The following MMP16 variants were observed in gnomAD, a reference collection of about 807,000 sequenced individuals.
MMP16 encodes the protein matrix metallopeptidase 16.
A neutral mutation model predicts 67.8 loss-of-function variants in MMP16; 12 were observed. The observed-to-expected ratio is 0.18, with a 90% CI of 0.11 to 0.29. The LOEUF is 0.29. Among genes scored for constraint, MMP16 ranks in the 10% least tolerant of loss-of-function variants. MMP16 has a pLI of 1.00. For missense variants in MMP16, 475 were observed against 765.7 expected (o/e 0.62, Z 4.48); for synonymous variants, 249 against 255.9 (o/e 0.97, Z 0.26).
At chr8:88,140,709 A>G (rs1486444361) in intron 4 of MMP16, among the ~76,000 whole-genome samples, 2 of 152,122 alleles carry the variant, frequency 1.3e-5, no homozygotes, top group Non-Finnish European at 2.9e-5. Context: ...AGTCTTAATA[A>G]CCTTATTAAG....
rs1808132709 is a variant in MMP16 at position 88,041,514 on chromosome 8, C to G, written c.1771G>C (p.Gly591Arg). ...VYTVFQFKRK[G>R]TPRHILYCKR... is the part of the protein sequence containing the mutation. ...CAGTACAGTATGTGGCGGGGTGTTC[C>G]TTTCCTCTTGAACTGGAACACAGTG... is the stretch of plus-strand genomic sequence containing the variant. Residue 591 changes from glycine to arginine, a missense_variant, in exon 10 of 10, where the codon GGA (glycine) becomes CGA (arginine). Gly to Arg is a moderately radical substitution (Grantham distance 125). This residue lies in a region of MMP16 where 80 missense variants were observed against 93.4 expected (regional missense o/e 0.86). Coordinates refer to ENST00000286614, the MANE Select transcript of MMP16 (RefSeq NM_005941.5). The surrounding 1 kb of genome is among the most constrained non-coding windows in gnomAD (Gnocchi z 6.0). 6.2e-7 allele frequency: 1 copy of G among 1,613,570 alleles called. No homozygotes were observed. Among genetic ancestry groups the G allele is most frequent in the African/African-American group, 1.3e-5 (1 of 74,940 alleles).
chr8:88,148,920 G>C (rs563933668), intron 4 of MMP16, among the ~76,000 whole-genome samples: 7 of 152,170 alleles, frequency 4.6e-5, no homozygotes, highest in Non-Finnish European at 8.8e-5. Context: ...CGCAGAAGAC[G>C]GGTGATTTCT....
intron 1 of MMP16, among the ~76,000 whole-genome samples, chr8:88,232,308 T>C (rs192943027): frequency 1.3e-5 from 2 of 152,224 alleles, no homozygotes; most frequent in African/African-American, 4.8e-5. Flanking sequence ...ATTTTACAGG[T>C]GGGAAAACTG....
At chr8:88,125,115 C>T (rs1807905019) in intron 4 of MMP16, among the ~76,000 whole-genome samples, 1 of 151,592 alleles carries the variant, frequency 6.6e-6, no homozygotes, top group South Asian at 2.1e-4. Context: ...ATTCCTCAGT[C>T]CAATTTGGCT....
intron 6 of MMP16, among the ~76,000 whole-genome samples, chr8:88,095,440 G>A (rs912963261): frequency 1.3e-5 from 2 of 151,684 alleles, no homozygotes; most frequent in African/African-American, 2.4e-5. Flanking sequence ...TTCCCCATCC[G>A]TACCATGGGG....
chr8:88,159,516 T>C (rs535632071), intron 4 of MMP16, among the ~76,000 whole-genome samples: 10 of 152,302 alleles, frequency 6.6e-5, no homozygotes, highest in Admixed American at 3.3e-4. Flanking sequence ...TGATTTTGTA[T>C]CCTGAGGCTT....
intron 1 of MMP16, among the ~76,000 whole-genome samples, chr8:88,219,193 C>T (rs1809640102): frequency 6.6e-6 from 1 of 151,926 alleles, no homozygotes; most frequent in South Asian, 2.1e-4. Context: ...AAATTAGCGA[C>T]AGAATAGCCA....
intron 1 of MMP16, among the ~76,000 whole-genome samples, chr8:88,254,808 G>C (rs1810276968): frequency 6.6e-6 from 1 of 152,012 alleles, no homozygotes; most frequent in South Asian, 2.1e-4. Context: ...AAGGACATGA[G>C]ATAAAAACTA....
chr8:88,096,502 A>C (rs1286782374), intron 6 of MMP16, among the ~76,000 whole-genome samples: 1 of 145,390 alleles, frequency 6.9e-6, no homozygotes, highest in East Asian at 2.0e-4. Flanking sequence ...AAATTCTTCA[A>C]AGGATCACTG....
intron 3 of MMP16, among the ~76,000 whole-genome samples, chr8:88,179,226 T>A (rs1356892904): frequency 2.0e-5 from 3 of 151,998 alleles, no homozygotes; most frequent in African/African-American, 7.2e-5. Flanking sequence ...AAATACCTTA[T>A]CTGTAGATGA....
intron 1 of MMP16, among the ~76,000 whole-genome samples, chr8:88,280,401 AC>A (rs1177991544): frequency 6.6e-6 from 1 of 152,278 alleles, no homozygotes; most frequent in Admixed American, 6.5e-5. Flanking sequence ...AGAGAACTCA[AC>A]CCATGCTACT....
At chr8:88,122,840 G>C (rs969022208) in intron 4 of MMP16, among the ~76,000 whole-genome samples, 2 of 151,272 alleles carry the variant, frequency 1.3e-5, no homozygotes, top group African/African-American at 4.9e-5. Flanking sequence ...GATGGTATTT[G>C]ACTTCTAAGG....
chr8:88,136,981 T>A (rs570854263), intron 4 of MMP16, among the ~76,000 whole-genome samples: 1 of 151,760 alleles, frequency 6.6e-6, no homozygotes, highest in East Asian at 1.9e-4. Context: ...TATATACATA[T>A]TTTTTTTCTC....
chr8:88,262,250 C>G (rs530037629), intron 1 of MMP16, among the ~76,000 whole-genome samples: 2 of 152,180 alleles, frequency 1.3e-5, no homozygotes, highest in Non-Finnish European at 2.9e-5. Flanking sequence ...TTTTATCAAA[C>G]GTGGCATAGT....
chr8:88,309,448 A>G (rs996201104), intron 1 of MMP16, among the ~76,000 whole-genome samples: 16 of 151,090 alleles, frequency 1.1e-4, no homozygotes, highest in Non-Finnish European at 1.9e-4. Context: ...GGTAGGAGGG[A>G]GGGGGGGAAC....
At chr8:88,168,812 G>A (rs1467192858) in intron 3 of MMP16, among the ~76,000 whole-genome samples, 1 of 151,860 alleles carries the variant, frequency 6.6e-6, no homozygotes, top group East Asian at 1.9e-4. Context: ...TCATAAATAA[G>A]TTTCAGATCC....
chr8:88,034,731 T>C lies in MMP16; in HGVS notation c.*6730A>G, dbSNP rs1056842245. 3 of 152,032 alleles carry C rather than the reference T, an allele frequency of 2.0e-5. No homozygotes were observed. Among genetic ancestry groups the C allele is most frequent in the Non-Finnish European group, 4.4e-5 (3 of 67,962 alleles). 9.4% of individuals were successfully genotyped at this position (152,032 alleles called of 1,614,324 possible). ...AATATATAGAGGAAACAGGTTCAAA[T>C]TGGCATTATGTAACGGCAAATGAAA... On this transcript the variant is annotated 3_prime_UTR_variant, in exon 10 of 10. Transcript: ENST00000286614.
chr8:88,236,976 T>C (rs1809951737), intron 1 of MMP16, among the ~76,000 whole-genome samples: 1 of 152,218 alleles, frequency 6.6e-6, no homozygotes, highest in Admixed American at 6.5e-5. Context: ...TCACAGTTCC[T>C]GCAACACAGA....
rs562215919 is a variant in MMP16 at position 88,232,573 on chromosome 8, T to C, written c.133-35267A>G. On this transcript the variant is annotated intron_variant, in intron 1 of 9. Transcript: ENST00000286614. ...TGAGACTCTTCATAGACAAACAGAA[T>C]CACATTATGTCCTAGAGTTTCTAAA... is the stretch of plus-strand genomic sequence containing the variant. 2.6e-4 allele frequency among the ~76,000 whole-genome samples: 40 copies of C among 152,260 alleles called. No homozygotes were observed. The South Asian group carries it at 8.3e-3, about 32-fold the overall frequency.
Sources: allele counts gnomAD v4.1 joint callset (sites outside exome capture counted in the v4.1 genomes callset), GRCh38; gene constraint gnomAD v4.1.1; regional missense constraint gnomAD v4.1.1; non-coding constraint Gnocchi (gnomAD v3.1); transcripts MANE v1.5; gene names NCBI Gene and HGNC (gene_info 2026-07-23, HGNC 2026-07-21).